RAP1A: variants seen among roughly 807,000 people sequenced by gnomAD.
RAP1A encodes the protein RAP1A, member of RAS oncogene family.
A neutral mutation model predicts 26.4 loss-of-function variants in RAP1A; 6 were observed. The ratio of observed to expected loss-of-function variants is 0.23; its 90% CI spans 0.12 to 0.45. The LOEUF (loss-of-function observed/expected upper bound fraction) is 0.45, where lower values mean the gene tolerates loss of function less well. RAP1A is among the 20% of genes least tolerant of loss of function. The pLI is 0.99. For missense variants in RAP1A, 121 were observed against 217.2 expected (o/e 0.56, Z 2.78); for synonymous variants, 73 against 79.4 (o/e 0.92, Z 0.43).
intron 1 of RAP1A, among the ~76,000 whole-genome samples, chr1:111,587,612 G>A (rs926324204): frequency 8.6e-5 from 13 of 151,848 alleles, no homozygotes; most frequent in Non-Finnish European, 1.9e-4. Flanking sequence ...ACTTCCACTC[G>A]CCCACTCTTC....
Position 111,565,105 on chromosome 1 carries a change from G to A in RAP1A, c.-28+22596G>A, listed in dbSNP as rs376057123. 3.9e-5 allele frequency among the ~76,000 whole-genome samples: 6 copies of A among 152,236 alleles called. No homozygotes were observed. In the East Asian group the frequency reaches 1.2e-3, roughly 29 times the overall value. On this transcript the variant is annotated intron_variant, in intron 1 of 7. Coordinates refer to the RAP1A transcript ENST00000356415. ...AAGCCAATTGGCCCTCAAGAGAAGG[G>A]TTTTCCAGGCACAGAGAACATAATG...
At chr1:111,601,314 G>A (rs1401513764) in intron 1 of RAP1A, among the ~76,000 whole-genome samples, 2 of 152,026 alleles carry the variant, frequency 1.3e-5, no homozygotes, top group Non-Finnish European at 2.9e-5. Flanking sequence ...CCATACCAGA[G>A]AGTGGTAACC....
chr1:111,705,866 T>C (rs1377231977), intron 6 of RAP1A, among the ~76,000 whole-genome samples: 1 of 152,244 alleles, frequency 6.6e-6, no homozygotes. Context: ...GGTTCCTTGC[T>C]GTCCTTGTCC....
chr1:111,616,286 C>A (rs1659012949), upstream of RAP1A, among the ~76,000 whole-genome samples: 1 of 152,212 alleles, frequency 6.6e-6, no homozygotes, highest in African/African-American at 2.4e-5. Flanking sequence ...CTCCTGCACT[C>A]AGTTTCTCCT....
intron 1 of RAP1A, among the ~76,000 whole-genome samples, chr1:111,605,793 A>G (rs879580419): frequency 3.9e-5 from 6 of 152,222 alleles, no homozygotes; most frequent in Admixed American, 3.9e-4. Context: ...GCTCAGATGC[A>G]ATTTGTTCAG....
At chr1:111,683,508 A>G (rs1395315127) in intron 1 of RAP1A, among the ~76,000 whole-genome samples, 3 of 152,232 alleles carry the variant, frequency 2.0e-5, no homozygotes, top group South Asian at 2.1e-4. Context: ...CAGTAATACA[A>G]ACTACCACCA....
upstream of RAP1A, among the ~76,000 whole-genome samples, chr1:111,618,711 C>T (rs150061021): frequency 9.7e-4 from 147 of 152,270 alleles, 1 homozygote; most frequent in African/African-American, 3.3e-3. Context: ...TAAGTGGCAC[C>T]GCCATTAACT....
chr1:111,649,627 A>C (rs997301341), intron 1 of RAP1A: 2 of 198,164 alleles, frequency 1.0e-5, no homozygotes, highest in African/African-American at 4.7e-5. Flanking sequence ...ATTGCCTAAT[A>C]TCCCTTTCTT....
At chr1:111,613,918 C>A (rs751803159) in intron 1 of RAP1A, among the ~76,000 whole-genome samples, 1 of 152,186 alleles carries the variant, frequency 6.6e-6, no homozygotes, top group Non-Finnish European at 1.5e-5. Context: ...GTATATGGCT[C>A]GCTTATATTC....
intron 5 of RAP1A, 33 bp downstream of exon 5, chr1:111,703,509 C>T: frequency 1.3e-6 from 2 of 1,510,670 alleles, no homozygotes; most frequent in South Asian, 1.3e-5. Context: ...AGATGTTATG[C>T]CATCTCTCTG....
intron 1 of RAP1A, chr1:111,599,674 A>G (rs1408353572): frequency 6.6e-6 from 1 of 152,244 alleles, no homozygotes; most frequent in African/African-American, 2.4e-5. Flanking sequence ...GCCACTAGCC[A>G]ATTACTAACA....
intron 1 of RAP1A, among the ~76,000 whole-genome samples, chr1:111,555,891 A>G (rs1449494532): frequency 6.6e-6 from 1 of 152,240 alleles, no homozygotes; most frequent in African/African-American, 2.4e-5. Context: ...AGCAAAGGCA[A>G]CAAAAGAAAA....
chr1:111,630,676 A>G (rs993530999), intron 1 of RAP1A, among the ~76,000 whole-genome samples: 1 of 152,174 alleles, frequency 6.6e-6, no homozygotes, highest in Non-Finnish European at 1.5e-5. Flanking sequence ...CAGACATATA[A>G]CAGTATATAA....
chr1:111,645,297 C>T (rs1011424879), intron 1 of RAP1A, among the ~76,000 whole-genome samples: 10 of 152,094 alleles, frequency 6.6e-5, no homozygotes, highest in African/African-American at 2.2e-4. Flanking sequence ...GAAGGGACAG[C>T]CTCATCCTTT....
chr1:111,639,385 A>C (rs1659827204), intron 1 of RAP1A, among the ~76,000 whole-genome samples: 1 of 140,714 alleles, frequency 7.1e-6, no homozygotes, highest in African/African-American at 2.7e-5. Context: ...TTATGAGAAA[A>C]CAGTAAACAT....
At chr1:111,681,408 T>C (rs917698292) in intron 1 of RAP1A, among the ~76,000 whole-genome samples, 1 of 152,176 alleles carries the variant, frequency 6.6e-6, no homozygotes, top group South Asian at 2.1e-4. Flanking sequence ...TCTTCCAAGC[T>C]AAAGTGCATG....
At chr1:111,599,164 C>A (rs1343879049) in intron 1 of RAP1A, among the ~76,000 whole-genome samples, 1 of 152,076 alleles carries the variant, frequency 6.6e-6, no homozygotes, top group African/African-American at 2.4e-5. Flanking sequence ...GGCTTCATTA[C>A]ATAGGCATGA....
chr1:111,606,009 A>G (rs1261495340), intron 1 of RAP1A, among the ~76,000 whole-genome samples: 1 of 152,162 alleles, frequency 6.6e-6, no homozygotes, highest in Non-Finnish European at 1.5e-5. Context: ...GGGCAAGCTG[A>G]GGGCCCAAAT....
In RAP1A at chr1:111,704,232, C is replaced by T. The variant is rs746579493; in HGVS notation, c.325-111C>T. On this transcript the variant is annotated intron_variant, in intron 5 of 7. Transcript: ENST00000369709. ...TTTCGTTAGTATTTGATGAAGCTTG[C>T]GGTCCCAACTAATGCATTTCAGTTG... 79 of 1,082,572 alleles carry T rather than the reference C, an allele frequency of 7.3e-5. 1 individual carries two copies. The highest frequency in any genetic ancestry group is 8.8e-5 in the Non-Finnish European group (69 of 786,776). 67.1% of individuals were successfully genotyped at this position (1,082,572 alleles called of 1,614,324 possible).
Sources: gnomAD v4.1 joint callset for allele counts (sites outside exome capture counted in the v4.1 genomes callset) on GRCh38, gnomAD v4.1.1 for gene constraint, MANE v1.5 for transcripts, NCBI Gene and HGNC (gene_info 2026-07-23, HGNC 2026-07-21) for gene names.